The following PSMD9 variants were observed in gnomAD, a reference collection of about 807,000 sequenced individuals.
PSMD9 encodes the protein proteasome 26S subunit, non-ATPase 9, also known as 26S proteasome non-ATPase regulatory subunit 9.
In PSMD9, 26 loss-of-function variants were observed where a neutral mutation model predicts 25.9. The ratio of observed to expected loss-of-function variants is 1.00; its 90% CI spans 0.73 to 1.39. The LOEUF is 1.39. Among genes scored for constraint, PSMD9 ranks in the 40% most tolerant of loss-of-function variants. The pLI, the probability that PSMD9 is intolerant of heterozygous loss-of-function variation, is 0.00. For synonymous variants in PSMD9, 110 were observed against 114.5 expected, an observed-to-expected ratio of 0.96 and a Z score of 0.25; for missense variants, 303 against 299.3, an observed-to-expected ratio of 1.01 and a Z score of -0.09.
chr12:121,900,683 CT>C (rs1250797313), intron 3 of PSMD9, among the ~76,000 whole-genome samples: 1 of 151,228 alleles, frequency 6.6e-6, no homozygotes, highest in African/African-American at 2.4e-5. Flanking sequence ...AATCAATTTT[CT>C]TTCTATTTAA....
Position 121,894,733 on chromosome 12 carries a change from C to G in PSMD9, c.139-6C>G, listed in dbSNP as rs1476712790. On this transcript the variant is annotated splice_polypyrimidine_tract_variant and splice_region_variant and intron_variant, in intron 1 of 5. Coordinates refer to ENST00000541212, the MANE Select transcript of PSMD9 (RefSeq NM_002813.7). ...AGCACCTTTTAACCACGTTTCTTTCCTCCAGCAAAAAGGCATTGGGATGAA... is the reference window on the plus strand; with the variant it reads ...AGCACCTTTTAACCACGTTTCTTTCGTCCAGCAAAAAGGCATTGGGATGAA... The G allele has an allele frequency of 6.2e-7, 1 of 1,613,726 alleles. No individual in the cohort carries two copies. The highest frequency in any genetic ancestry group is 2.2e-5 in the East Asian group (1 of 44,862).
chr12:121,910,079 A>C (rs1256415175), intron 4 of PSMD9, among the ~76,000 whole-genome samples: 2 of 131,042 alleles, frequency 1.5e-5, no homozygotes, highest in African/African-American at 5.8e-5. Flanking sequence ...CTGGTAGGAA[A>C]TGACTTTTTT....
chr12:121,912,960 G>A (rs1363288959), intron 4 of PSMD9, among the ~76,000 whole-genome samples: 3 of 144,000 alleles, frequency 2.1e-5, no homozygotes, highest in South Asian at 4.3e-4. Flanking sequence ...TTTTTGAGAC[G>A]GAGTCTCGCT....
chr12:121,913,482 T>G (rs1879799256), intron 4 of PSMD9, among the ~76,000 whole-genome samples: 1 of 151,590 alleles, frequency 6.6e-6, no homozygotes, highest in African/African-American at 2.4e-5. Context: ...TTTGCATGTA[T>G]TTTCTTTTTT....
chr12:121,915,045 C>T (rs763807649), intron 4 of PSMD9: 4 of 151,966 alleles, frequency 2.6e-5, no homozygotes, highest in Admixed American at 1.3e-4. Flanking sequence ...TATTATCGGC[C>T]GGGCACGGTG....
Position 121,915,840 on chromosome 12 carries a change from C to T in PSMD9, c.556-16C>T. 1 of 1,604,778 alleles carries T rather than the reference C, an allele frequency of 6.2e-7. No individual in the cohort carries two copies. The highest frequency in any genetic ancestry group is 1.7e-5 in the Admixed American group (1 of 58,878). On this transcript the variant is annotated splice_polypyrimidine_tract_variant and intron_variant, in intron 4 of 5. Transcript: ENST00000541212. ...CTAACGAGGCTGAACACGAAATGAG[C>T]TTATTTTCTTTTCAGAAGCCCCTGA...
chr12:121,895,015 A>G (rs1437197552), intron 2 of PSMD9, among the ~76,000 whole-genome samples, 174 bp downstream of exon 2: 1 of 151,814 alleles, frequency 6.6e-6, no homozygotes, highest in East Asian at 1.9e-4. Flanking sequence ...CTAAGGTTCT[A>G]TATTTCTGGT....
At chr12:121,895,774 C>T (rs956069682) in intron 2 of PSMD9, among the ~76,000 whole-genome samples, 1 of 152,106 alleles carries the variant, frequency 6.6e-6, no homozygotes, top group Non-Finnish European at 1.5e-5. Context: ...GGATCATGTC[C>T]GAATCTTAAG....
rs773994608 is a variant in PSMD9 at position 121,899,732 on chromosome 12, GA to G, written c.341del (p.Glu114GlyfsTer7). On this transcript the variant is annotated frameshift_variant, in exon 3 of 6. Coordinates refer to ENST00000541212, the MANE Select transcript of PSMD9 (RefSeq NM_002813.7). LOFTEE classifies it high-confidence loss of function. ...GGAGAAGCAGGCCCGGGACATGGCT[GA>G]GGCCCACAAAGAGGCCATGAGCCGC... ...DKEKQARDMA[E>X]AHKEAMSRKL... 12 of 1,614,148 alleles carry G rather than the reference GA, an allele frequency of 7.4e-6. No individual in the cohort carries two copies. The highest frequency in any genetic ancestry group is 1.0e-5 in the Non-Finnish European group (12 of 1,180,018).
At chr12:121,893,326 C>G (rs548180646) in intron 1 of PSMD9, among the ~76,000 whole-genome samples, 1 of 152,170 alleles carries the variant, frequency 6.6e-6, no homozygotes, top group Non-Finnish European at 1.5e-5. Context: ...GGGTGTAACC[C>G]GGAGGCTTCC....
At position 121,894,733 on chromosome 12, in the gene PSMD9, C is replaced by T; in HGVS notation, c.139-6C>T. 6.2e-7 allele frequency: 1 copy of T among 1,613,726 alleles called. No homozygotes were observed. The highest frequency in any genetic ancestry group is 8.5e-7 in the Non-Finnish European group (1 of 1,179,770). The stretch of plus-strand genomic sequence containing the variant: ...AGCACCTTTTAACCACGTTTCTTTC[C>T]TCCAGCAAAAAGGCATTGGGATGAA... On this transcript the variant is annotated splice_polypyrimidine_tract_variant and splice_region_variant and intron_variant, in intron 1 of 5. Coordinates refer to ENST00000541212, the MANE Select transcript of PSMD9 (RefSeq NM_002813.7).
chr12:121,889,395 T>G (rs1878993066), intron 1 of PSMD9, among the ~76,000 whole-genome samples: 1 of 152,166 alleles, frequency 6.6e-6, no homozygotes. Flanking sequence ...ATTTTGTACT[T>G]TTTGTAAAGA....
Position 121,901,608 on chromosome 12 carries a change from G to A in PSMD9, c.454-1398G>A, listed in dbSNP as rs552088819. ...GGCCTCAAGCGATCCTTCTTCCTCG[G>A]CCTCCCAAAGTGCTAGAATTACAGG... On this transcript the variant is annotated intron_variant, in intron 3 of 5. Coordinates refer to ENST00000541212, the MANE Select transcript of PSMD9 (RefSeq NM_002813.7). 8.0e-5 allele frequency among the ~76,000 whole-genome samples: 12 copies of A among 150,326 alleles called. No individual in the cohort carries two copies. In the South Asian group the frequency reaches 2.3e-3, roughly 29 times the overall value.
chr12:121,899,746 G>A lies in PSMD9; in HGVS notation c.354G>A (p.Glu118=), dbSNP rs765524713. ...QARDMAEAHK[E]AMSRKLGQSE... is the part of the protein sequence containing the mutation. ...GGGACATGGCTGAGGCCCACAAAGA[G>A]GCCATGAGCCGCAAACTGGGTCAGA... The change falls in exon 3 of 6, where the codon GAG becomes GAA. Residue 118 remains glutamate, a synonymous_variant. Coordinates refer to ENST00000541212, the MANE Select transcript of PSMD9 (RefSeq NM_002813.7). The A allele has an allele frequency of 3.2e-5, 52 of 1,614,026 alleles. No homozygotes were observed. Among genetic ancestry groups the A allele is most frequent in the Non-Finnish European group, 3.3e-5 (39 of 1,180,000 alleles).
At chr12:121,904,257 G>T (rs1592946095) in intron 4 of PSMD9, among the ~76,000 whole-genome samples, 1 of 151,568 alleles carries the variant, frequency 6.6e-6, no homozygotes, top group East Asian at 1.9e-4. Context: ...TCCATTTAAA[G>T]AAATTCTTTT....
chr12:121,889,360 G>A (rs1460305100), intron 1 of PSMD9, among the ~76,000 whole-genome samples: 1 of 152,184 alleles, frequency 6.6e-6, no homozygotes, highest in African/African-American at 2.4e-5. Flanking sequence ...CAGCTGTCAT[G>A]TGCCTCGCTG....
At chr12:121,902,566 G>A (rs1042743907) in intron 3 of PSMD9, 8 of 180,562 alleles carry the variant, frequency 4.4e-5, no homozygotes, top group African/African-American at 9.5e-5. Context: ...TCTTGGATGC[G>A]CCCTGTGCCT....
At chr12:121,916,100 T>A in intron 5 of PSMD9, 156 bp downstream of exon 5, 1 of 1,156,992 alleles carries the variant, frequency 8.6e-7, no homozygotes, top group Non-Finnish European at 1.3e-6. Context: ...GGAACGAGAC[T>A]ACAGCTCTAG....
At chr12:121,915,819 C>T (rs769365040) in intron 4 of PSMD9, 37 bp from the exon 5 acceptor site, 27 of 1,550,836 alleles carry the variant, frequency 1.7e-5, no homozygotes, top group East Asian at 4.5e-5. Flanking sequence ...TGAGTACTAA[C>T]GAGGCTGAAC....
Sources: gnomAD v4.1 joint callset for allele counts (sites outside exome capture counted in the v4.1 genomes callset) on GRCh38, gnomAD v4.1.1 for gene constraint, MANE v1.5 for transcripts, NCBI Gene and HGNC (gene_info 2026-07-23, HGNC 2026-07-21) for gene names.